IRAK1BP1: variants seen among roughly 807,000 people sequenced by gnomAD.
IRAK1BP1 encodes the protein interleukin 1 receptor associated kinase 1 binding protein 1.
IRAK1BP1 carries 24 observed loss-of-function variants against 28.0 expected under a neutral mutation model. The observed-to-expected ratio is 0.86, with a 90% CI of 0.62 to 1.20. The LOEUF (loss-of-function observed/expected upper bound fraction) is 1.20, where lower values mean the gene tolerates loss of function less well. Ranked by LOEUF, IRAK1BP1 falls within the 50% of genes most tolerant of loss-of-function variation. IRAK1BP1 has a pLI of 0.00. For synonymous variants in IRAK1BP1, 131 were observed against 116.3 expected, an observed-to-expected ratio of 1.13 and a Z score of -0.81; for missense variants, 336 against 316.7, an observed-to-expected ratio of 1.06 and a Z score of -0.46.
Position 78,903,018 on chromosome 6 carries a change from C to G in IRAK1BP1, c.*4684C>G. The stretch of plus-strand genomic sequence containing the variant: ...AACTCCTGGAATCCTTCTTCAACAT[C>G]CCAACCAACAATTACTCCCAGATAG... On this transcript the variant is annotated 3_prime_UTR_variant, in exon 4 of 4. Transcript: ENST00000369940. The G allele has an allele frequency of 6.6e-7, 1 of 1,524,054 alleles. No homozygotes were observed. Among genetic ancestry groups the G allele is most frequent in the Non-Finnish European group, 8.8e-7 (1 of 1,139,148 alleles). The allele number at this position is 1,524,054 out of a possible 1,614,324, so 94.4% of individuals were successfully genotyped here.
At chr6:78,941,611 G>A (rs117703162) in intron 4 of IRAK1BP1, among the ~76,000 whole-genome samples, 2 of 152,198 alleles carry the variant, frequency 1.3e-5, no homozygotes, top group East Asian at 3.9e-4. Flanking sequence ...ATAAAGCTGG[G>A]ATGACTAAAG....
chr6:78,913,334 CAA>C (rs149003513), intron 4 of IRAK1BP1, among the ~76,000 whole-genome samples: 1 of 140,314 alleles, frequency 7.1e-6, no homozygotes, highest in Non-Finnish European at 1.6e-5. Flanking sequence ...GACTCTGTTT[CAA>C]AAAAAAAAAA....
the IRAK1BP1 span, among the ~76,000 whole-genome samples, chr6:78,976,127 C>T: frequency 2.0e-5 from 3 of 149,960 alleles, no homozygotes; most frequent in Non-Finnish European, 4.5e-5. Flanking sequence ...TCAAACTATA[C>T]TACAAGGCTA....
At chr6:78,904,948 T>C (rs1299435126), downstream of IRAK1BP1, among the ~76,000 whole-genome samples, 1 of 152,198 alleles carries the variant, frequency 6.6e-6, no homozygotes, top group East Asian at 1.9e-4. Context: ...GTGATACAGA[T>C]TCATGTCGTC....
At chr6:78,978,492 A>G in the IRAK1BP1 span, 2 of 879,266 alleles carry the variant, frequency 2.3e-6, no homozygotes, top group Admixed American at 4.9e-5. Flanking sequence ...GAGATACTTT[A>G]CAAAACTGCT....
chr6:78,942,365 C>G lies in IRAK1BP1; in HGVS notation c.*68-3043C>G, dbSNP rs184597065. Among the ~76,000 whole-genome samples the G allele has an allele frequency of 3.1e-3, 474 of 152,262 alleles. 3 individuals are homozygous for G. Among genetic ancestry groups the G allele is most frequent in the African/African-American group, 0.011 (440 of 41,550 alleles). ...GGGCGTGGTGGTGGGTGCCTGTAAT[C>G]CCAGCTACTCAGGGGGCTGAGGCAG... On this transcript the variant is annotated intron_variant and NMD_transcript_variant, in intron 4 of 4. Transcript: ENST00000606868.
chr6:78,950,904 T>C (rs867906009), downstream of IRAK1BP1, among the ~76,000 whole-genome samples: 2 of 152,158 alleles, frequency 1.3e-5, no homozygotes, highest in African/African-American at 2.4e-5. Flanking sequence ...TACTCTTCTT[T>C]CTCTAGGTTC....
At chr6:78,876,594 G>C (rs774830667) in intron 1 of IRAK1BP1, among the ~76,000 whole-genome samples, 1 of 152,084 alleles carries the variant, frequency 6.6e-6, no homozygotes, top group Non-Finnish European at 1.5e-5. Flanking sequence ...TGGATAACTC[G>C]TTGTTGTTGG....
At chr6:78,973,172 G>A in the IRAK1BP1 span, among the ~76,000 whole-genome samples, 2 of 152,200 alleles carry the variant, frequency 1.3e-5, no homozygotes, top group East Asian at 1.9e-4. Flanking sequence ...GACTAACAGC[G>A]GATCTCTCAG....
At chr6:78,873,529 G>A (rs1163074327) in intron 1 of IRAK1BP1, among the ~76,000 whole-genome samples, 2 of 151,782 alleles carry the variant, frequency 1.3e-5, no homozygotes, top group Non-Finnish European at 2.9e-5. Flanking sequence ...CCAGTATGGA[G>A]TAGGGTGATT....
chr6:78,921,370 C>A lies in IRAK1BP1; in HGVS notation c.*67+18260C>A, dbSNP rs544041253. On this transcript the variant is annotated intron_variant and NMD_transcript_variant, in intron 4 of 4. Transcript: ENST00000606868. ...ATCAAACAGCAAGGCCGCGGCAAGG[C>A]TGGGGGAGGGGCGCCCATCATTGCC... is the stretch of plus-strand genomic sequence containing the variant. 6.4e-4 allele frequency among the ~76,000 whole-genome samples: 97 copies of A among 152,302 alleles called. 1 individual carries two copies. In the South Asian group the frequency reaches 8.1e-3, roughly 13 times the overall value.
chr6:78,890,079 A>T (rs1771583599), intron 2 of IRAK1BP1, among the ~76,000 whole-genome samples: 1 of 152,194 alleles, frequency 6.6e-6, no homozygotes, highest in African/African-American at 2.4e-5. Context: ...ACCATGGAAT[A>T]CTATGCAGCC....
chr6:78,954,357 C>T, the IRAK1BP1 span, among the ~76,000 whole-genome samples: 1 of 151,926 alleles, frequency 6.6e-6, no homozygotes, highest in Non-Finnish European at 1.5e-5. Flanking sequence ...CTGCCTGCCT[C>T]GGCCTCCCAA....
chr6:78,915,636 G>T (rs1189817462), intron 4 of IRAK1BP1, among the ~76,000 whole-genome samples: 1 of 152,152 alleles, frequency 6.6e-6, no homozygotes, highest in Non-Finnish European at 1.5e-5. Context: ...CAACAGCCTT[G>T]CCAAACCTTC....
rs35416532 is a variant in IRAK1BP1, at chr6:78,933,668, CT to C, written c.*68-11722del. 3.9e-3 allele frequency among the ~76,000 whole-genome samples: 529 copies of C among 136,594 alleles called. 2 individuals carry two copies. Among genetic ancestry groups the C allele is most frequent in the African/African-American group, 6.5e-3 (238 of 36,734 alleles). 89.6% of individuals were successfully genotyped at this position (136,594 alleles called of 152,430 possible). ...TGAACCAACCTCTGCTAGCTTCCAA[CT>C]TTTTTTTTTTTTTTTTTGGCAGCTT... is the stretch of plus-strand genomic sequence containing the variant. On this transcript the variant is annotated intron_variant and NMD_transcript_variant, in intron 4 of 4. Coordinates refer to the IRAK1BP1 transcript ENST00000606868.
exon 5 of IRAK1BP1, chr6:78,945,638 A>G (rs1773771724): frequency 3.1e-6 from 2 of 651,342 alleles, no homozygotes; most frequent in Non-Finnish European, 5.3e-6. Context: ...GCTACTTTCT[A>G]ATAGGAAAAA....
intron 1 of IRAK1BP1, chr6:78,871,302 A>C (rs1770784281): frequency 2.0e-6 from 2 of 985,134 alleles, no homozygotes; most frequent in Middle Eastern, 5.2e-4. Context: ...TGCATATCTA[A>C]GTTCTAGTGC....
At chr6:78,973,157 C>G in the IRAK1BP1 span, among the ~76,000 whole-genome samples, 2 of 152,036 alleles carry the variant, frequency 1.3e-5, no homozygotes, top group African/African-American at 4.8e-5. Flanking sequence ...AAGGGAAGCC[C>G]ATTAGACTAA....
the IRAK1BP1 span, among the ~76,000 whole-genome samples, chr6:78,964,155 A>G: frequency 6.6e-6 from 1 of 152,202 alleles, no homozygotes; most frequent in Non-Finnish European, 1.5e-5. Context: ...AACATAAGCC[A>G]TGTAACATGG....
Sources: gnomAD v4.1 joint callset for allele counts (sites outside exome capture counted in the v4.1 genomes callset) on GRCh38, gnomAD v4.1.1 for gene constraint, MANE v1.5 for transcripts, NCBI Gene and HGNC (gene_info 2026-07-23, HGNC 2026-07-21) for gene names.